The following SPIN1 variants were observed in gnomAD, a reference collection of about 807,000 sequenced individuals.
The protein encoded by SPIN1 is spindlin-1.
A neutral mutation model predicts 26.0 loss-of-function variants in SPIN1; 3 were observed. The observed-to-expected ratio is 0.12, with a 90% CI of 0.05 to 0.30. The LOEUF is 0.30. SPIN1 is among the 10% of genes least tolerant of loss of function. SPIN1 has a pLI of 1.00. For missense variants in SPIN1, 126 were observed against 333.4 expected (o/e 0.38, Z 4.84); for synonymous variants, 101 against 116.5 (o/e 0.87, Z 0.86).
At chr9:88,437,823 C>A (rs913734740) in intron 2 of SPIN1, among the ~76,000 whole-genome samples, 25 of 152,034 alleles carry the variant, frequency 1.6e-4, no homozygotes, top group Admixed American at 6.6e-5. Flanking sequence ...ATATTCTCTT[C>A]TTTTTCTAGT....
At chr9:88,408,898 G>A (rs1339318674) in intron 1 of SPIN1, among the ~76,000 whole-genome samples, 1 of 151,256 alleles carries the variant, frequency 6.6e-6, no homozygotes, top group African/African-American at 2.4e-5. Context: ...TCTCGACCTC[G>A]TGATCCGCCC....
chr9:88,394,955 G>T (rs949490362), intron 1 of SPIN1, among the ~76,000 whole-genome samples: 1 of 151,082 alleles, frequency 6.6e-6, no homozygotes, highest in African/African-American at 2.4e-5. Flanking sequence ...GACTACAGGT[G>T]CCCGCCACCA....
chr9:88,411,442 A>T, intron 1 of SPIN1: 1 of 1,508,184 alleles, frequency 6.6e-7, no homozygotes, highest in Non-Finnish European at 9.1e-7. Flanking sequence ...CGGGCTCTTT[A>T]GGAGACTTGT....
At position 88,475,491 on chromosome 9, in the gene SPIN1, G is replaced by A. The variant is rs1828872056; in HGVS notation, c.*214G>A. ...AACCCCTTTCTTTTAAAAGAAGTCT[G>A]TCTATTTCGAGGGGAGTTACAGGCA... On this transcript the variant is annotated 3_prime_UTR_variant, in exon 6 of 6. Transcript: ENST00000375859. The A allele has an allele frequency of 4.9e-6, 2 of 406,818 alleles. No individual in the cohort carries two copies. The highest frequency in any genetic ancestry group is 2.0e-5 in the African/African-American group (1 of 49,134). 25.2% of individuals were successfully genotyped at this position (406,818 alleles called of 1,614,324 possible).
intron 1 of SPIN1, among the ~76,000 whole-genome samples, chr9:88,395,011 T>G (rs1290281243): frequency 6.6e-6 from 1 of 151,772 alleles, no homozygotes; most frequent in African/African-American, 2.4e-5. Flanking sequence ...GGTTTCACTA[T>G]GTTAGCCAAG....
At position 88,442,469 on chromosome 9, in the gene SPIN1, T is replaced by C. The variant is rs193105603; in HGVS notation, c.53-6472T>C. ...ACCTGGCTGGAATGCAGTGGCCTGATTTCAGCTCACTGCAACCTCTGCCTC... is the reference window on the plus strand; with the variant it reads ...ACCTGGCTGGAATGCAGTGGCCTGACTTCAGCTCACTGCAACCTCTGCCTC... On this transcript the variant is annotated intron_variant, in intron 2 of 5. Transcript: ENST00000375859. Among the ~76,000 whole-genome samples, 102 of 151,700 alleles carry C rather than the reference T, an allele frequency of 6.7e-4. 1 individual carries two copies. The highest frequency in any genetic ancestry group is 1.9e-3 in the African/African-American group (80 of 41,348).
At chr9:88,409,071 T>A (rs931865505) in intron 1 of SPIN1, among the ~76,000 whole-genome samples, 19 of 149,224 alleles carry the variant, frequency 1.3e-4, no homozygotes, top group Admixed American at 8.7e-4. Context: ...TCTCGGCTCA[T>A]CGCAACCTCC....
intron 2 of SPIN1, among the ~76,000 whole-genome samples, chr9:88,445,168 G>A (rs915791141): frequency 6.6e-6 from 1 of 152,142 alleles, no homozygotes; most frequent in African/African-American, 2.4e-5. Flanking sequence ...TGACAAGGGT[G>A]CAATTCCAGT....
intron 1 of SPIN1, among the ~76,000 whole-genome samples, chr9:88,420,621 A>T (rs755106857): frequency 6.6e-6 from 1 of 152,240 alleles, no homozygotes; most frequent in Non-Finnish European, 1.5e-5. Context: ...AATTTAAAAG[A>T]GTTTATTTAA....
chr9:88,431,253 C>T (rs1564030637), intron 2 of SPIN1, among the ~76,000 whole-genome samples: 1 of 151,092 alleles, frequency 6.6e-6, no homozygotes, highest in African/African-American at 2.4e-5. Flanking sequence ...CATGTACCTA[C>T]TACTCAAATT....
At chr9:88,465,861 G>T (rs1474725430) in intron 4 of SPIN1, among the ~76,000 whole-genome samples, 1 of 152,156 alleles carries the variant, frequency 6.6e-6, no homozygotes, top group Non-Finnish European at 1.5e-5. Flanking sequence ...TGAGAGGCTG[G>T]ATTTTATACC....
At chr9:88,408,682 T>A (rs1006579046) in intron 1 of SPIN1, among the ~76,000 whole-genome samples, 17 of 148,554 alleles carry the variant, frequency 1.1e-4, no homozygotes, top group African/African-American at 4.2e-4. Flanking sequence ...GCCCTTTTTT[T>A]TTTTTTTTTT....
At chr9:88,471,810 C>G (rs905989686) in intron 5 of SPIN1, among the ~76,000 whole-genome samples, 2 of 151,836 alleles carry the variant, frequency 1.3e-5, no homozygotes, top group Non-Finnish European at 2.9e-5. Context: ...ATTTTGAGAT[C>G]AAGAAGTTTG....
chr9:88,430,875 T>A (rs890469353), intron 2 of SPIN1, among the ~76,000 whole-genome samples: 2 of 150,034 alleles, frequency 1.3e-5, no homozygotes, highest in African/African-American at 4.9e-5. Context: ...TTTTATGATA[T>A]ATTTTTTCTT....
rs142303216 is a variant in SPIN1, at chr9:88,410,249, C to T, written c.-158-16133C>T. ...ATCATGATCAGACTATTACATTTAG[C>T]AATCAACAGCATGGGTGCAAAAAAA... On this transcript the variant is annotated intron_variant, in intron 1 of 5. Coordinates refer to ENST00000375859, the MANE Select transcript of SPIN1 (RefSeq NM_006717.3). 3.1e-3 allele frequency among the ~76,000 whole-genome samples: 459 copies of T among 150,002 alleles called. 2 individuals are homozygous for T. Among genetic ancestry groups the T allele is most frequent in the African/African-American group, 0.011 (427 of 40,518 alleles).
At chr9:88,396,586 A>T (rs992184421) in intron 1 of SPIN1, among the ~76,000 whole-genome samples, 14 of 152,156 alleles carry the variant, frequency 9.2e-5, no homozygotes, top group African/African-American at 3.4e-4. Context: ...TGGGCAACAG[A>T]GTGAGACTCC....
chr9:88,441,910 T>C (rs1056301187), intron 2 of SPIN1, among the ~76,000 whole-genome samples: 1 of 149,398 alleles, frequency 6.7e-6, no homozygotes, highest in Non-Finnish European at 1.5e-5. Flanking sequence ...TCTTCTTTAA[T>C]GTTTTTCCTT....
intron 5 of SPIN1, among the ~76,000 whole-genome samples, chr9:88,469,891 C>T (rs1410464799): frequency 6.6e-6 from 1 of 152,200 alleles, no homozygotes; most frequent in African/African-American, 2.4e-5. Context: ...AATATACGCA[C>T]AGATATGTAC....
chr9:88,437,704 A>C (rs761960275), intron 2 of SPIN1, among the ~76,000 whole-genome samples: 1 of 152,152 alleles, frequency 6.6e-6, no homozygotes, highest in Non-Finnish European at 1.5e-5. Flanking sequence ...TTCCACAAGC[A>C]ACTAGCTTTT....
Sources: allele counts gnomAD v4.1 joint callset (sites outside exome capture counted in the v4.1 genomes callset), GRCh38; gene constraint gnomAD v4.1.1; transcripts MANE v1.5; gene names NCBI Gene and HGNC (gene_info 2026-07-23, HGNC 2026-07-21).